Variants in PCDH9 observed in about 807,000 individuals in gnomAD.
The protein encoded by PCDH9 is protocadherin-9.
PCDH9 carries 24 observed loss-of-function variants against 70.6 expected under a neutral mutation model. That is an observed-to-expected ratio of 0.34 (90% confidence interval 0.25 to 0.48). PCDH9 has a LOEUF of 0.48. Among genes scored for constraint, PCDH9 ranks in the 20% least tolerant of loss-of-function variants. PCDH9 has a pLI of 0.99. For missense variants in PCDH9, 1,281 were observed against 1,503.6 expected (o/e 0.85, Z 2.45); for synonymous variants, 562 against 558.5 (o/e 1.01, Z -0.09).
rs373118585 is a variant in PCDH9, at chr13:66,539,126, A to G, written c.3340+92084T>C. Among the ~76,000 whole-genome samples, 14 of 152,232 alleles carry G rather than the reference A, an allele frequency of 9.2e-5. 1 individual carries two copies. The South Asian group carries it at 2.9e-3, about 32-fold the overall frequency. On this transcript the variant is annotated intron_variant, in intron 4 of 4. Coordinates refer to ENST00000377865, the MANE Select transcript of PCDH9 (RefSeq NM_203487.3). ...ATATTTACCTGTCTAATATGCTCAT[A>G]GAAGATTTTAGAATTAAAATTTTTC...
intron 2 of PCDH9, among the ~76,000 whole-genome samples, chr13:67,025,920 T>C (rs2084771660): frequency 6.6e-6 from 1 of 152,168 alleles, no homozygotes; most frequent in Non-Finnish European, 1.5e-5. Flanking sequence ...ATATTAGGGT[T>C]ATCACTATGT....
At chr13:67,044,371 A>G (rs1001792757) in intron 2 of PCDH9, among the ~76,000 whole-genome samples, 1 of 152,168 alleles carries the variant, frequency 6.6e-6, no homozygotes, top group Admixed American at 6.5e-5. Context: ...TTCACATCAC[A>G]TTTTGTATGG....
chr13:66,351,416 T>C (rs1373677319), intron 4 of PCDH9, among the ~76,000 whole-genome samples: 1 of 152,180 alleles, frequency 6.6e-6, no homozygotes, highest in Non-Finnish European at 1.5e-5. Context: ...AGAAATTAGT[T>C]GTTTGTTGTA....
At chr13:66,486,009 C>T (rs920061709) in intron 4 of PCDH9, among the ~76,000 whole-genome samples, 4 of 152,082 alleles carry the variant, frequency 2.6e-5, no homozygotes, top group East Asian at 1.9e-4. Context: ...ATTACAGGTG[C>T]GAGCCACTGT....
At chr13:66,927,247 G>A (rs2082731395) in intron 2 of PCDH9, among the ~76,000 whole-genome samples, 1 of 151,936 alleles carries the variant, frequency 6.6e-6, no homozygotes, top group Non-Finnish European at 1.5e-5. Context: ...TTCTTTGCAG[G>A]GACATAGGTG....
chr13:67,201,261 G>A (rs552884127), intron 2 of PCDH9: 52 of 152,050 alleles, frequency 3.4e-4, no homozygotes, highest in African/African-American at 1.2e-3. Context: ...ATATGTGATA[G>A]TCATACTGAT....
intron 4 of PCDH9, among the ~76,000 whole-genome samples, chr13:66,326,543 C>T (rs1297591339): frequency 1.3e-5 from 2 of 152,018 alleles, no homozygotes; most frequent in Admixed American, 6.6e-5. Context: ...CTCAGCCTCC[C>T]GAGTAGCTGG....
intron 4 of PCDH9, among the ~76,000 whole-genome samples, chr13:66,570,851 A>G (rs1450976996): frequency 6.6e-6 from 1 of 152,120 alleles, no homozygotes; most frequent in Non-Finnish European, 1.5e-5. Context: ...ATTAAGATAA[A>G]TGGCTTTCAA....
intron 3 of PCDH9, among the ~76,000 whole-genome samples, chr13:66,850,581 G>T (rs1244093104): frequency 1.3e-5 from 2 of 151,742 alleles, no homozygotes; most frequent in Non-Finnish European, 2.9e-5. Flanking sequence ...AAACAACAAG[G>T]CATGGTTATC....
rs551303424 is a variant in PCDH9, at chr13:66,943,111, T to C, written c.3037-39506A>G. Among the ~76,000 whole-genome samples the C allele has an allele frequency of 7.2e-5, 11 of 152,174 alleles. 1 individual carries two copies. In the South Asian group the frequency reaches 1.7e-3, roughly 23 times the overall value. The stretch of plus-strand genomic sequence containing the variant: ...TAGTAAACATAGTTATTACAACATA[T>C]CTTCATAGAGCATTTGCAAAACAGG... On this transcript the variant is annotated intron_variant, in intron 2 of 4. Coordinates refer to ENST00000377865, the MANE Select transcript of PCDH9 (RefSeq NM_203487.3).
At chr13:66,888,196 C>T (rs1348372534) in intron 3 of PCDH9, among the ~76,000 whole-genome samples, 1 of 151,972 alleles carries the variant, frequency 6.6e-6, no homozygotes, top group Non-Finnish European at 1.5e-5. Flanking sequence ...GCTGCACACT[C>T]AAAAAAATGG....
intron 4 of PCDH9, among the ~76,000 whole-genome samples, chr13:66,502,490 C>G (rs139283473): frequency 1.3e-5 from 2 of 151,878 alleles, no homozygotes; most frequent in Admixed American, 6.6e-5. Flanking sequence ...CTTTTGGTAA[C>G]AAAACTATAT....
intron 3 of PCDH9, among the ~76,000 whole-genome samples, chr13:66,880,332 A>T (rs1197316329): frequency 6.6e-6 from 1 of 152,176 alleles, no homozygotes; most frequent in Non-Finnish European, 1.5e-5. Flanking sequence ...TATGAAGTTC[A>T]AGCGTAAGAC....
chr13:66,837,130 G>C (rs903492223), intron 3 of PCDH9, among the ~76,000 whole-genome samples: 4 of 152,134 alleles, frequency 2.6e-5, no homozygotes, highest in African/African-American at 9.7e-5. Flanking sequence ...ATTTCTGAAG[G>C]TCAACTGCTT....
At chr13:67,216,704 A>ATATATATATG (rs1318237827) in intron 2 of PCDH9, 2 of 144,030 alleles carry the variant, frequency 1.4e-5, no homozygotes, top group Non-Finnish European at 3.0e-5. Context: ...ATATATATAT[A>ATATATATATG]TATGGATATA....
chr13:66,838,652 T>G (rs569520045), intron 3 of PCDH9, among the ~76,000 whole-genome samples: 29 of 152,178 alleles, frequency 1.9e-4, no homozygotes, highest in Admixed American at 1.6e-3. Context: ...ATGTGAATGT[T>G]TGCATTTTAA....
intron 4 of PCDH9, among the ~76,000 whole-genome samples, chr13:66,424,445 T>C (rs1367236450): frequency 2.6e-5 from 4 of 151,904 alleles, no homozygotes; most frequent in African/African-American, 9.7e-5. Context: ...AGAGGACCAT[T>C]TGGGAGAAGT....
chr13:66,669,349 C>T (rs1404974994), intron 3 of PCDH9, among the ~76,000 whole-genome samples: 2 of 152,130 alleles, frequency 1.3e-5, no homozygotes, highest in Non-Finnish European at 2.9e-5. Flanking sequence ...GAAGATGAAC[C>T]AGTTTCCAGC....
intron 3 of PCDH9, among the ~76,000 whole-genome samples, chr13:66,670,164 G>A (rs2078152811): frequency 6.6e-6 from 1 of 152,150 alleles, no homozygotes; most frequent in East Asian, 1.9e-4. Flanking sequence ...ATCACATTAT[G>A]AGCATATGCA....
Sources: gnomAD v4.1 joint callset for allele counts (sites outside exome capture counted in the v4.1 genomes callset) on GRCh38, gnomAD v4.1.1 for gene constraint, MANE v1.5 for transcripts, NCBI Gene and HGNC (gene_info 2026-07-23, HGNC 2026-07-21) for gene names.